SLC25A21: variants seen among roughly 807,000 people sequenced by gnomAD.
SLC25A21 encodes solute carrier family 25 member 21, also known as mitochondrial 2-oxodicarboxylate carrier.
SLC25A21 carries 47 observed loss-of-function variants against 43.8 expected under a neutral mutation model. The ratio of observed to expected loss-of-function variants is 1.07; its 90% CI spans 0.85 to 1.37. SLC25A21 has a LOEUF of 1.37. Among genes scored for constraint, SLC25A21 ranks in the 40% most tolerant of loss-of-function variants. The pLI is 0.00. For missense variants in SLC25A21, 352 were observed against 350.2 expected, an observed-to-expected ratio of 1.00 and a Z score of -0.04; for synonymous variants, 131 against 121.3, an observed-to-expected ratio of 1.08 and a Z score of -0.52.
intron 1 of SLC25A21, among the ~76,000 whole-genome samples, chr14:36,887,787 T>C (rs1051774752): frequency 1.3e-5 from 2 of 152,176 alleles, no homozygotes; most frequent in Non-Finnish European, 2.9e-5. Flanking sequence ...AAGATACATA[T>C]ATTTTTCTCT....
At chr14:36,865,598 GA>G (rs983222633) in intron 2 of SLC25A21, among the ~76,000 whole-genome samples, 92 of 141,926 alleles carry the variant, frequency 6.5e-4, no homozygotes, top group African/African-American at 9.0e-4. Context: ...CAACACTTAA[GA>G]AAAAAAAAAA....
chr14:36,753,311 G>A (rs934529885), intron 3 of SLC25A21, among the ~76,000 whole-genome samples: 50 of 152,050 alleles, frequency 3.3e-4, no homozygotes, highest in Non-Finnish European at 2.2e-4. Flanking sequence ...GGTTGCTCTC[G>A]GAATGGAAGG....
rs987982027 is a variant in SLC25A21 at position 37,159,308 on chromosome 14, A to G, written c.70+12973T>C. ...AAAAAGAACAAAGCTGAGGCATCAC[A>G]TTACCTGATTTCAAAATACAATGCA... is the stretch of plus-strand genomic sequence containing the variant. On this transcript the variant is annotated intron_variant, in intron 1 of 9. Transcript: ENST00000331299. Among the ~76,000 whole-genome samples the G allele has an allele frequency of 7.2e-5, 11 of 152,062 alleles. No individual in the cohort carries two copies. In the South Asian group the frequency reaches 2.3e-3, roughly 31 times the overall value.
chr14:36,873,076 CT>C (rs1398184648), intron 2 of SLC25A21, among the ~76,000 whole-genome samples: 3 of 152,102 alleles, frequency 2.0e-5, no homozygotes, highest in Admixed American at 6.6e-5. Flanking sequence ...GAACAGTTTA[CT>C]AAGTTAGGAA....
rs375929225 is a variant in SLC25A21, at chr14:36,959,944, G to A, written c.71-84940C>T. On this transcript the variant is annotated intron_variant, in intron 1 of 9. Coordinates refer to ENST00000331299, the MANE Select transcript of SLC25A21 (RefSeq NM_030631.4). ...GATCATATAATGTCCAGCATGTAAT[G>A]ATCATATAATGTCTGCCTGTTAGAT... Among the ~76,000 whole-genome samples the A allele has an allele frequency of 6.6e-5, 10 of 152,240 alleles. No individual in the cohort carries two copies. In the South Asian group the frequency reaches 2.1e-3, roughly 32 times the overall value.
At chr14:37,146,860 G>A (rs183638073) in intron 1 of SLC25A21, among the ~76,000 whole-genome samples, 120 of 152,136 alleles carry the variant, frequency 7.9e-4, no homozygotes, top group African/African-American at 2.7e-3. Flanking sequence ...CATATACGCC[G>A]CACAAAACAT....
Position 36,766,004 on chromosome 14 carries a change from C to A in SLC25A21, c.204-31431G>T, listed in dbSNP as rs577327805. Among the ~76,000 whole-genome samples the A allele has an allele frequency of 4.0e-5, 6 of 151,110 alleles. No individual in the cohort carries two copies. The East Asian group carries it at 1.2e-3, about 30-fold the overall frequency. On this transcript the variant is annotated intron_variant, in intron 3 of 9. Coordinates refer to ENST00000331299, the MANE Select transcript of SLC25A21 (RefSeq NM_030631.4). ...CTAGGAATGGTTATCAGCCTTGGAG[C>A]CTTTTGAGTTGCCAAGTCATTCCCT...
intron 6 of SLC25A21, among the ~76,000 whole-genome samples, chr14:36,715,958 G>C (rs745362708): frequency 8.5e-5 from 13 of 152,110 alleles, no homozygotes; most frequent in Non-Finnish European, 1.6e-4. Flanking sequence ...GGGCATGGTG[G>C]TGCGGGCCTG....
chr14:37,082,544 A>G (rs1379106508), intron 1 of SLC25A21, among the ~76,000 whole-genome samples: 1 of 152,126 alleles, frequency 6.6e-6, no homozygotes, highest in African/African-American at 2.4e-5. Flanking sequence ...ATGAAAGGGG[A>G]GTGATAATAC....
chr14:36,683,574 T>C (rs1176878665), intron 9 of SLC25A21, among the ~76,000 whole-genome samples: 1 of 152,250 alleles, frequency 6.6e-6, no homozygotes, highest in Non-Finnish European at 1.5e-5. Flanking sequence ...CTGTGGCTTC[T>C]TCCTATTGAC....
intron 1 of SLC25A21, among the ~76,000 whole-genome samples, chr14:37,040,360 A>G (rs1352609160): frequency 0.041 from 1,469 of 35,590 alleles, 585 homozygotes; most frequent in African/African-American, 0.34. Flanking sequence ...AAGGAAAGAA[A>G]GAGAGAGAGA....
intron 1 of SLC25A21, among the ~76,000 whole-genome samples, chr14:37,050,039 T>A (rs1400124019): frequency 6.6e-6 from 1 of 152,238 alleles, no homozygotes; most frequent in Non-Finnish European, 1.5e-5. Context: ...ACTACACTAA[T>A]ATAATTTTGC....
At chr14:36,756,735 G>A (rs760414402) in intron 3 of SLC25A21, among the ~76,000 whole-genome samples, 1 of 152,152 alleles carries the variant, frequency 6.6e-6, no homozygotes, top group Non-Finnish European at 1.5e-5. Flanking sequence ...ACCTGGTACA[G>A]TTCCTTAGAA....
rs139092580 is a variant in SLC25A21 at position 37,055,426 on chromosome 14, G to A, written c.70+116855C>T. ...TTCACTGCTCCACTCATGGAAAGGT[G>A]GAATCCCATTTCCTTTCCCTTGAAT... On this transcript the variant is annotated intron_variant, in intron 1 of 9. Coordinates refer to ENST00000331299, the MANE Select transcript of SLC25A21 (RefSeq NM_030631.4). Among the ~76,000 whole-genome samples the A allele has an allele frequency of 5.3e-5, 8 of 152,264 alleles. No homozygotes were observed. The East Asian group carries it at 1.2e-3, about 22-fold the overall frequency.
intron 1 of SLC25A21, among the ~76,000 whole-genome samples, chr14:37,108,714 T>A (rs912151097): frequency 5.1e-4 from 25 of 49,192 alleles, no homozygotes; most frequent in African/African-American, 8.1e-4. Context: ...AGTGTGTGTG[T>A]GTGTGTGTGT....
chr14:37,051,395 G>A (rs903402047), intron 1 of SLC25A21, among the ~76,000 whole-genome samples: 8 of 152,144 alleles, frequency 5.3e-5, no homozygotes, highest in Non-Finnish European at 1.2e-4. Flanking sequence ...GGAGAGGGAA[G>A]AACTCATTTC....
At chr14:36,903,437 C>A (rs1039762911) in intron 1 of SLC25A21, among the ~76,000 whole-genome samples, 1 of 151,588 alleles carries the variant, frequency 6.6e-6, no homozygotes. Context: ...CATGGTGAAA[C>A]CCCGTCTCTA....
chr14:36,829,705 T>A (rs1888965215), intron 2 of SLC25A21, among the ~76,000 whole-genome samples: 1 of 35,680 alleles, frequency 2.8e-5, no homozygotes, highest in South Asian at 2.5e-3. Flanking sequence ...AGCTGTCTAA[T>A]GCTGGTTCCC....
intron 1 of SLC25A21, among the ~76,000 whole-genome samples, chr14:37,137,122 T>C (rs1039800336): frequency 3.9e-5 from 6 of 152,166 alleles, no homozygotes; most frequent in Admixed American, 6.5e-5. Context: ...CTCAGCCTCC[T>C]GAGTAGCTGG....
Sources: gnomAD v4.1 joint callset for allele counts (sites outside exome capture counted in the v4.1 genomes callset) on GRCh38, gnomAD v4.1.1 for gene constraint, MANE v1.5 for transcripts, NCBI Gene and HGNC (gene_info 2026-07-23, HGNC 2026-07-21) for gene names.